FHAD1: variants seen among roughly 807,000 people sequenced by gnomAD.
FHAD1 encodes the protein forkhead associated phosphopeptide binding domain 1.
A neutral mutation model predicts 191.3 loss-of-function variants in FHAD1; 146 were observed. That is an observed-to-expected ratio of 0.76 (90% CI 0.67 to 0.88). The LOEUF is 0.88. Ranked by LOEUF, FHAD1 falls within the 40% of genes least tolerant of loss-of-function variation. FHAD1 has a pLI of 0.00. For missense variants in FHAD1, 1,635 were observed against 1,785.8 expected (o/e 0.92, Z 1.52); for synonymous variants, 616 against 672.3 (o/e 0.92, Z 1.29).
At chr1:15,328,636 A>G (rs2101827123) in intron 13 of FHAD1, 1 of 425,238 alleles carries the variant, frequency 2.4e-6, no homozygotes, top group Non-Finnish European at 4.1e-6. Flanking sequence ...GGCGTGTCCA[A>G]AAAAGATGCC....
At position 15,358,181 on chromosome 1, in the gene FHAD1, A is replaced by C. The variant is rs1371020783; in HGVS notation, c.2634A>C (p.Glu878Asp). The C allele has an allele frequency of 1.1e-5, 17 of 1,539,748 alleles. No homozygotes were observed. Among genetic ancestry groups the C allele is most frequent in the Admixed American group, 2.1e-5 (1 of 46,714 alleles). ...NKLSDALAMVEETQKTKATES... is the reference protein window; with the variant it reads ...NKLSDALAMVDETQKTKATES... ...TAAGTGACGCACTGGCCATGGTTGA[A>C]GAGACTCAGAAAACAAAGGCAACTG... Residue 878 changes from glutamate (E) to aspartate (D), a missense_variant, in exon 21 of 34, where the codon GAA becomes GAC. Glu to Asp is a conservative substitution (Grantham distance 45, BLOSUM62 2). Coordinates refer to ENST00000688493, the MANE Select transcript of FHAD1 (RefSeq NM_001391957.1).
chr1:15,300,222 G>A (rs10803378), intron 5 of FHAD1, among the ~76,000 whole-genome samples: 27,137 of 152,076 alleles, frequency 0.18, 4,910 homozygotes, highest in African/African-American at 0.47. Context: ...CTTCGGCTAC[G>A]GTGCTTTTTC....
intron 6 of FHAD1, among the ~76,000 whole-genome samples, 152 bp downstream of exon 6, chr1:15,301,593 C>T (rs74053890): frequency 0.015 from 2,328 of 152,296 alleles, 59 homozygotes; most frequent in African/African-American, 0.052. Context: ...CTGGGAGATT[C>T]GGCAGTTTCC....
chr1:15,273,485 C>CT (rs1573864899), intron 3 of FHAD1, among the ~76,000 whole-genome samples: 1 of 98,916 alleles, frequency 1.0e-5, no homozygotes, highest in East Asian at 5.5e-4. Context: ...TTCCTCATGA[C>CT]CTTAGCATTT....
intron 16 of FHAD1, among the ~76,000 whole-genome samples, chr1:15,344,393 A>T (rs974699831): frequency 3.3e-5 from 5 of 152,214 alleles, no homozygotes; most frequent in Non-Finnish European, 5.9e-5. Flanking sequence ...AGTTGTTGAC[A>T]ACAATCCCTT....
At position 15,312,996 on chromosome 1, in the gene FHAD1, C is replaced by T. The variant is rs776925191; in HGVS notation, c.1040-61C>T. 2.1e-5 allele frequency: 32 copies of T among 1,535,406 alleles called. No homozygotes were observed. The highest frequency in any genetic ancestry group is 8.6e-5 in the South Asian group (7 of 81,652). On this transcript the variant is annotated intron_variant, in intron 7 of 33. Transcript: ENST00000688493. The surrounding 1 kb of genome is among the most constrained non-coding windows in gnomAD (Gnocchi z 4.7). ...AGGCTCGTCACAAACTGGTTGACAG[C>T]GGCAGCGATGACAGTCATCCTCACT...
rs745608325 is a variant in FHAD1 at position 15,398,308 on chromosome 1, A to C, written c.*895A>C. ...AAAAAAAAAAAATCTGTTTATTGTA[A>C]TAAATTTAGAACACCAATCAGTTTT... On this transcript the variant is annotated 3_prime_UTR_variant, in exon 34 of 34. Coordinates refer to ENST00000688493, the MANE Select transcript of FHAD1 (RefSeq NM_001391957.1). Among the ~76,000 whole-genome samples the C allele has an allele frequency of 4.6e-5, 7 of 151,868 alleles. No homozygotes were observed. The highest frequency in any genetic ancestry group is 5.9e-5 in the Non-Finnish European group (4 of 67,972).
At chr1:15,292,725 C>T (rs951392459) in intron 4 of FHAD1, among the ~76,000 whole-genome samples, 1 of 152,064 alleles carries the variant, frequency 6.6e-6, no homozygotes, top group African/African-American at 2.4e-5. Context: ...AGAAGGTGGC[C>T]GTCTGCAAGC....
chr1:15,399,124 CT>C (rs1236584914), downstream of FHAD1, among the ~76,000 whole-genome samples: 1 of 151,968 alleles, frequency 6.6e-6, no homozygotes, highest in Non-Finnish European at 1.5e-5. Context: ...GGCCAGCCTA[CT>C]TTTTTTATTT....
At chr1:15,270,780 G>A (rs941133660) in intron 2 of FHAD1, among the ~76,000 whole-genome samples, 6 of 152,202 alleles carry the variant, frequency 3.9e-5, no homozygotes, top group African/African-American at 9.6e-5. Flanking sequence ...GGTGGCTCAC[G>A]CCTGTAATCC....
At chr1:15,397,201 A>G (rs188465248) in intron 33 of FHAD1, 96 bp from the exon 34 acceptor site, 1 of 581,648 alleles carries the variant, frequency 1.7e-6, no homozygotes, top group Non-Finnish European at 2.9e-6. Context: ...AAAAAAAAAA[A>G]ATTAAATAAA....
intron 3 of FHAD1, among the ~76,000 whole-genome samples, chr1:15,277,779 A>G (rs1179157061): frequency 2.0e-5 from 3 of 152,128 alleles, no homozygotes; most frequent in African/African-American, 7.2e-5. Flanking sequence ...TTCACCAGGG[A>G]TGCTGCTGAA....
chr1:15,365,999 A>G lies in FHAD1; in HGVS notation c.3154+66A>G, dbSNP rs1696309964. 2.5e-6 allele frequency: 3 copies of G among 1,187,460 alleles called. No individual in the cohort carries two copies. The South Asian group carries it at 4.0e-5, about 16-fold the overall frequency. 73.6% of individuals were successfully genotyped at this position (1,187,460 alleles called of 1,614,324 possible). Reference sequence around the variant, plus strand: ...TCGAGAAAGGAAGGAGATGAGGCTAAAGAGTCGGCCGGGCGCAGTGGCGCA... The same window carrying G: ...TCGAGAAAGGAAGGAGATGAGGCTAGAGAGTCGGCCGGGCGCAGTGGCGCA... On this transcript the variant is annotated intron_variant, in intron 24 of 33. Transcript: ENST00000688493.
intron 2 of FHAD1, among the ~76,000 whole-genome samples, chr1:15,253,837 A>G (rs1557921732): frequency 3.3e-5 from 5 of 152,188 alleles, no homozygotes; most frequent in African/African-American, 7.2e-5. Flanking sequence ...AGTCTGTTGC[A>G]GAAGAGTGGT....
At chr1:15,359,928 T>C (rs556303427) in intron 21 of FHAD1, among the ~76,000 whole-genome samples, 17 of 151,330 alleles carry the variant, frequency 1.1e-4, no homozygotes, top group East Asian at 7.8e-4. Context: ...CCAGCCTGGG[T>C]GACAGAGAGA....
rs919971985 is a variant in FHAD1 at position 15,345,082 on chromosome 1, G to C, written c.2131-1G>C. 1 of 1,550,726 alleles carries C rather than the reference G, an allele frequency of 6.4e-7. No individual in the cohort carries two copies. The highest frequency in any genetic ancestry group is 8.7e-7 in the Non-Finnish European group (1 of 1,146,160). On this transcript the variant is annotated splice_acceptor_variant, in intron 16 of 33. Coordinates refer to ENST00000688493, the MANE Select transcript of FHAD1 (RefSeq NM_001391957.1). LOFTEE classifies it high-confidence loss of function. ...GTTAAACAATGGTCATTGGTTTCCA[G>C]GCTTTGGAGGAGTACATTACTCAAG...
chr1:15,292,211 G>C (rs1665040529), intron 4 of FHAD1, among the ~76,000 whole-genome samples: 2 of 152,072 alleles, frequency 1.3e-5, no homozygotes, highest in Admixed American at 6.5e-5. Flanking sequence ...GCAGTGGCAT[G>C]ATCTCGACTC....
At chr1:15,328,241 C>CTTTT in intron 12 of FHAD1, 36 bp from the exon 13 acceptor site, 3 of 1,220,202 alleles carry the variant, frequency 2.5e-6, no homozygotes, top group South Asian at 1.8e-5. Context: ...TATGTTACAT[C>CTTTT]TTTTTTTTTT....
At position 15,386,579 on chromosome 1, in the gene FHAD1, G is replaced by A. The variant is rs577654544; in HGVS notation, c.4189-1472G>A. Among the ~76,000 whole-genome samples the A allele has an allele frequency of 3.9e-5, 6 of 152,342 alleles. No homozygotes were observed. In the South Asian group the frequency reaches 1.2e-3, roughly 32 times the overall value. ...CACTGAAATGCACTAGCTGCTTCTG[G>A]TGGGGAGCAGGCCAGCTCCCCTTCC... On this transcript the variant is annotated intron_variant, in intron 31 of 33. Coordinates refer to ENST00000688493, the MANE Select transcript of FHAD1 (RefSeq NM_001391957.1).
Sources: gnomAD v4.1 joint callset for allele counts (sites outside exome capture counted in the v4.1 genomes callset) on GRCh38, gnomAD v4.1.1 for gene constraint, Gnocchi (gnomAD v3.1) non-coding constraint, MANE v1.5 for transcripts, NCBI Gene and HGNC (gene_info 2026-07-23, HGNC 2026-07-21) for gene names.